SH3BP4: variants seen among roughly 807,000 people sequenced by gnomAD.
SH3BP4 encodes SH3 domain binding protein 4.
Under a neutral mutation model 65.5 loss-of-function variants are expected in SH3BP4, and 33 were observed. The ratio of observed to expected loss-of-function variants is 0.50; its 90% CI spans 0.38 to 0.67. SH3BP4 has a LOEUF of 0.67. Ranked by LOEUF, SH3BP4 falls within the 30% of genes least tolerant of loss-of-function variation. The probability of loss-of-function intolerance (pLI) is 0.00; values close to 1 mark genes in which losing one functional copy is unlikely to be tolerated. For synonymous variants in SH3BP4, 552 were observed against 545.5 expected (o/e 1.01, Z -0.17); for missense variants, 1,134 against 1,261.4 (o/e 0.90, Z 1.53).
chr2:235,034,859 C>T lies in SH3BP4; in HGVS notation c.-132-12C>T, dbSNP rs1399489317. The T allele has an allele frequency of 1.7e-5, 11 of 650,868 alleles. No homozygotes were observed. Among genetic ancestry groups the T allele is most frequent in the Non-Finnish European group, 2.4e-5 (9 of 377,928 alleles). 40.3% of individuals were successfully genotyped at this position (650,868 alleles called of 1,614,324 possible). A position where few individuals can be genotyped will look rare whatever the true frequency, so the allele number is the denominator to read the frequency against. Reference sequence around the variant, plus strand: ...TGCTTAAGGGACTTTTTTGTTCCTCCTCTACTTTCAGGAAGAAACATATTG... The same window carrying T: ...TGCTTAAGGGACTTTTTTGTTCCTCTTCTACTTTCAGGAAGAAACATATTG... On this transcript the variant is annotated splice_polypyrimidine_tract_variant and intron_variant, in intron 2 of 5. Transcript: ENST00000392011. The surrounding 1 kb of genome is among the most constrained non-coding windows in gnomAD (Gnocchi z 6.2).
chr2:235,036,372 T>A (rs758107226), intron 3 of SH3BP4, among the ~76,000 whole-genome samples: 3 of 152,124 alleles, frequency 2.0e-5, no homozygotes, highest in Non-Finnish European at 4.4e-5. Context: ...CTCATCAGAG[T>A]CAAAGCTGGA....
chr2:235,038,392 T>TAC (rs780843846), intron 3 of SH3BP4, among the ~76,000 whole-genome samples: 3 of 20,612 alleles, frequency 1.5e-4, no homozygotes, highest in Non-Finnish European at 2.4e-4. Flanking sequence ...TATATATATA[T>TAC]ATATATATAT....
chr2:235,005,454 C>T (rs1177743747), intron 2 of SH3BP4, among the ~76,000 whole-genome samples: 1 of 152,130 alleles, frequency 6.6e-6, no homozygotes, highest in East Asian at 1.9e-4. Flanking sequence ...TCACTTCCCC[C>T]AGGGGTCCCT....
intron 2 of SH3BP4, among the ~76,000 whole-genome samples, chr2:235,017,751 G>T (rs1694734032): frequency 6.6e-6 from 1 of 152,202 alleles, no homozygotes; most frequent in Admixed American, 6.5e-5. Flanking sequence ...TATGGGTGTA[G>T]TGTTATCAGC....
chr2:235,052,114 GCT>G lies in SH3BP4; in HGVS notation c.2479-446_2479-445del, dbSNP rs998581638. Among the ~76,000 whole-genome samples the G allele has an allele frequency of 2.4e-4, 36 of 152,234 alleles. No individual in the cohort carries two copies. Among genetic ancestry groups the G allele is most frequent in the African/African-American group, 7.5e-4 (31 of 41,548 alleles). ...GGCCTGCCTCTCCTAAGCCCCACTG[GCT>G]CAACCCTCCTTCTTTTCCTTGGCTT... On this transcript the variant is annotated intron_variant, in intron 4 of 5. Transcript: ENST00000392011. This position sits in a 1 kb window ranked among gnomAD's most constrained non-coding sequence, Gnocchi z 5.0.
chr2:235,017,597 C>T (rs1433213962), intron 2 of SH3BP4, among the ~76,000 whole-genome samples: 2 of 152,124 alleles, frequency 1.3e-5, no homozygotes, highest in Non-Finnish European at 2.9e-5. Context: ...TCTGTCTTCT[C>T]AGGATGAGTG....
chr2:235,027,375 T>C (rs934525472), intron 2 of SH3BP4, among the ~76,000 whole-genome samples: 54 of 140,600 alleles, frequency 3.8e-4, no homozygotes, highest in African/African-American at 1.3e-3. Flanking sequence ...TTCTCCACTA[T>C]AGCAACGGGG....
chr2:235,006,336 A>T (rs1403451626), intron 2 of SH3BP4, among the ~76,000 whole-genome samples: 3 of 152,132 alleles, frequency 2.0e-5, no homozygotes, highest in African/African-American at 7.2e-5. Flanking sequence ...CCCAGGGGGT[A>T]TCATACGCAT....
rs1693161454 is a variant in SH3BP4 at position 234,976,137 on chromosome 2, C to T, written c.-206-19166C>T. The stretch of plus-strand genomic sequence containing the variant: ...TTCTAGGGACAGGGGCCCTGGCTTT[C>T]ATCTAGTGACCCCTGTGGAGGACTC... On this transcript the variant is annotated intron_variant, in intron 1 of 5. Transcript: ENST00000392011. The surrounding 1 kb of genome is among the most constrained non-coding windows in gnomAD (Gnocchi z 4.7). Among the ~76,000 whole-genome samples, 1 of 152,110 alleles carries T rather than the reference C, an allele frequency of 6.6e-6. No individual in the cohort carries two copies.
At chr2:234,989,901 AT>A (rs1391033923) in intron 1 of SH3BP4, among the ~76,000 whole-genome samples, 1 of 152,206 alleles carries the variant, frequency 6.6e-6, no homozygotes, top group Non-Finnish European at 1.5e-5. Context: ...TCATCCAAAA[AT>A]TTGAAATCCA....
At chr2:235,031,286 C>T (rs1445697688) in intron 2 of SH3BP4, among the ~76,000 whole-genome samples, 1 of 152,152 alleles carries the variant, frequency 6.6e-6, no homozygotes, top group Non-Finnish European at 1.5e-5. Flanking sequence ...GAACTGCAAA[C>T]ACTTTAGCTT....
At chr2:235,005,625 G>A (rs1694270514) in intron 2 of SH3BP4, among the ~76,000 whole-genome samples, 1 of 152,192 alleles carries the variant, frequency 6.6e-6, no homozygotes, top group African/African-American at 2.4e-5. Context: ...CCGCCACCCT[G>A]CTTAGTTGTT....
At chr2:234,987,220 A>C (rs1322568697) in intron 1 of SH3BP4, among the ~76,000 whole-genome samples, 1 of 152,058 alleles carries the variant, frequency 6.6e-6, no homozygotes, top group African/African-American at 2.4e-5. Context: ...AGGTAATTCC[A>C]GTGAATGCTG....
chr2:234,969,047 C>T (rs1436608712), intron 1 of SH3BP4, among the ~76,000 whole-genome samples: 2 of 152,168 alleles, frequency 1.3e-5, no homozygotes, highest in African/African-American at 2.4e-5. Context: ...TGGTTCCAGG[C>T]GACTTTGCTG....
chr2:235,007,269 C>A (rs1260113811), intron 2 of SH3BP4, among the ~76,000 whole-genome samples: 4 of 152,050 alleles, frequency 2.6e-5, no homozygotes, highest in African/African-American at 9.7e-5. Flanking sequence ...AGGTGGGGTC[C>A]AGAGCAGCTC....
At chr2:235,038,312 T>TATAA (rs1491342675) in intron 3 of SH3BP4, among the ~76,000 whole-genome samples, 5 of 10,266 alleles carry the variant, frequency 4.9e-4, no homozygotes, top group African/African-American at 2.6e-3. Context: ...TATATATATA[T>TATAA]TATATATTAT....
At position 234,993,444 on chromosome 2, in the gene SH3BP4, C is replaced by T. The variant is rs985754581; in HGVS notation, c.-206-1859C>T. 9.2e-5 allele frequency among the ~76,000 whole-genome samples: 14 copies of T among 152,132 alleles called. No homozygotes were observed. The South Asian group carries it at 1.0e-3, about 11-fold the overall frequency. On this transcript the variant is annotated intron_variant, in intron 1 of 5. Transcript: ENST00000392011. ...ATGGAGATTCTGAGAACCCTGACCA[C>T]GGCATAGGGGCTTGGGGTACAAAGG...
At chr2:234,981,101 T>C (rs1693369774) in intron 1 of SH3BP4, among the ~76,000 whole-genome samples, 1 of 152,222 alleles carries the variant, frequency 6.6e-6, no homozygotes, top group Non-Finnish European at 1.5e-5. Context: ...GCATCCCGGT[T>C]TGTCCCTTGC....
At chr2:234,972,123 T>G (rs111817009) in intron 1 of SH3BP4, among the ~76,000 whole-genome samples, 4,590 of 146,918 alleles carry the variant, frequency 0.031, 109 homozygotes, top group Non-Finnish European at 0.039. Flanking sequence ...CCTTTTTTTT[T>G]TTTGTTTTTT....
Sources: gnomAD v4.1 joint callset for allele counts (sites outside exome capture counted in the v4.1 genomes callset) on GRCh38, gnomAD v4.1.1 for gene constraint, Gnocchi (gnomAD v3.1) non-coding constraint, MANE v1.5 for transcripts, NCBI Gene and HGNC (gene_info 2026-07-23, HGNC 2026-07-21) for gene names.